Variants in NGLY1 observed in about 807,000 individuals in gnomAD.
The protein encoded by NGLY1 is N-glycanase 1.
Under a neutral mutation model 84.6 loss-of-function variants are expected in NGLY1, and 68 were observed. The observed-to-expected ratio is 0.80, with a 90% CI of 0.66 to 0.98. The LOEUF (loss-of-function observed/expected upper bound fraction) is 0.98, where lower values mean the gene tolerates loss of function less well. Among genes scored for constraint, NGLY1 ranks in the 50% least tolerant of loss-of-function variants. The pLI, the probability that NGLY1 is intolerant of heterozygous loss-of-function variation, is 0.00. For missense variants in NGLY1, 779 were observed against 770.2 expected (o/e 1.01, Z -0.14); for synonymous variants, 280 against 275.2 (o/e 1.02, Z -0.17).
At chr3:25,772,267 T>A (rs1707931848) in intron 2 of NGLY1, among the ~76,000 whole-genome samples, 1 of 152,216 alleles carries the variant, frequency 6.6e-6, no homozygotes, top group Admixed American at 6.5e-5. Flanking sequence ...ACTATTATTG[T>A]GTTGTTGTCT....
At chr3:25,787,068 C>T (rs1328903999), upstream of NGLY1, among the ~76,000 whole-genome samples, 3 of 152,216 alleles carry the variant, frequency 2.0e-5, no homozygotes, top group Admixed American at 6.5e-5. Flanking sequence ...TGAAGCTCCA[C>T]ATTTAAAGGT....
At chr3:25,769,455 T>G (rs1371369082) in intron 2 of NGLY1, among the ~76,000 whole-genome samples, 1 of 152,120 alleles carries the variant, frequency 6.6e-6, no homozygotes, top group East Asian at 1.9e-4. Context: ...TATGAAAAAA[T>G]GCTCAACATC....
intron 10 of NGLY1, among the ~76,000 whole-genome samples, chr3:25,725,521 A>G (rs974392933): frequency 1.3e-5 from 2 of 152,200 alleles, no homozygotes; most frequent in Non-Finnish European, 2.9e-5. Flanking sequence ...AGGTAAAACA[A>G]ACTGGAGCTT....
At chr3:25,757,827 A>G (rs1159241772) in intron 3 of NGLY1, among the ~76,000 whole-genome samples, 1 of 152,216 alleles carries the variant, frequency 6.6e-6, no homozygotes, top group Non-Finnish European at 1.5e-5. Flanking sequence ...AATATTTACT[A>G]TCTGAATTAA....
chr3:25,789,750 CT>C, intron 1 of NGLY1: 1 of 1,289,396 alleles, frequency 7.8e-7, no homozygotes, highest in East Asian at 2.5e-5. Flanking sequence ...TTCCTTAATT[CT>C]TTCTTACAAT....
chr3:25,728,947 A>T (rs913350426), intron 10 of NGLY1, among the ~76,000 whole-genome samples, 186 bp downstream of exon 10: 2 of 152,144 alleles, frequency 1.3e-5, no homozygotes, highest in African/African-American at 4.8e-5. Context: ...CTTGATATAA[A>T]TGCAAGAATT....
At chr3:25,774,291 T>A (rs1708044675) in intron 2 of NGLY1, among the ~76,000 whole-genome samples, 1 of 152,154 alleles carries the variant, frequency 6.6e-6, no homozygotes, top group South Asian at 2.1e-4. Flanking sequence ...TGCAGTAGTA[T>A]CAAGAAGATG....
At chr3:25,746,139 C>T (rs1211535197) in intron 4 of NGLY1, among the ~76,000 whole-genome samples, 1 of 152,192 alleles carries the variant, frequency 6.6e-6, no homozygotes, top group Admixed American at 6.5e-5. Flanking sequence ...GCTTTATATA[C>T]ACCCTACCCT....
At chr3:25,733,474 TG>T (rs1559533608) in intron 8 of NGLY1, among the ~76,000 whole-genome samples, 1 of 102,952 alleles carries the variant, frequency 9.7e-6, no homozygotes, top group Non-Finnish European at 2.2e-5. Flanking sequence ...GACGTGTGTG[TG>T]TGTGTGTGTG....
At chr3:25,764,445 C>G in intron 2 of NGLY1, 134 bp from the exon 3 acceptor site, 1 of 984,058 alleles carries the variant, frequency 1.0e-6, no homozygotes, top group South Asian at 1.8e-5. Flanking sequence ...TGTTTTCTTA[C>G]CATTATGGTT....
At position 25,764,062 on chromosome 3, in the gene NGLY1, T is replaced by A. The variant is rs181461044; in HGVS notation, c.492+4A>T. 6.9e-5 allele frequency: 112 copies of A among 1,613,930 alleles called. No homozygotes were observed. The East Asian group carries it at 2.2e-3, about 31-fold the overall frequency. On this transcript the variant is annotated splice_donor_region_variant and intron_variant, in intron 3 of 11. Coordinates refer to ENST00000280700, the MANE Select transcript of NGLY1 (RefSeq NM_018297.4). ...AGTTAAAGAAGGTTTAATTCTAACATTACCGTTGAAGCAGATGGTGGATCT... is the reference window on the plus strand; with the variant it reads ...AGTTAAAGAAGGTTTAATTCTAACAATACCGTTGAAGCAGATGGTGGATCT...
chr3:25,774,830 A>G (rs12630981), intron 2 of NGLY1, among the ~76,000 whole-genome samples: 100,964 of 151,872 alleles, frequency 0.66, 39,056 homozygotes, highest in East Asian at 0.94. Flanking sequence ...TACACACCCC[A>G]GTCCAGGAAA....
upstream of NGLY1, among the ~76,000 whole-genome samples, chr3:25,786,940 G>T (rs181278671): frequency 1.0e-3 from 159 of 152,314 alleles, 2 homozygotes; most frequent in South Asian, 0.01. Context: ...ACTACTAGTT[G>T]CTCAGCACTG....
chr3:25,753,906 C>T (rs1706892302), intron 3 of NGLY1, among the ~76,000 whole-genome samples: 1 of 152,180 alleles, frequency 6.6e-6, no homozygotes, highest in African/African-American at 2.4e-5. Flanking sequence ...TTACCAAATA[C>T]TTACATGTCA....
At chr3:25,780,862 C>T (rs1278402634) in intron 1 of NGLY1, among the ~76,000 whole-genome samples, 1 of 151,858 alleles carries the variant, frequency 6.6e-6, no homozygotes, top group Non-Finnish European at 1.5e-5. Flanking sequence ...GTCCTAAAGC[C>T]CTGGTACTAC....
At chr3:25,742,875 C>T (rs1248101308) in intron 4 of NGLY1, among the ~76,000 whole-genome samples, 1 of 117,902 alleles carries the variant, frequency 8.5e-6, no homozygotes, top group Non-Finnish European at 1.6e-5. Context: ...ATGTAGTTAC[C>T]TTATGTGGCA....
chr3:25,736,723 T>C (rs13080887), intron 6 of NGLY1: 8,474 of 204,528 alleles, frequency 0.041, 275 homozygotes, highest in African/African-American at 0.1. Flanking sequence ...TATTTCTGTA[T>C]ACTGTGCTTT....
chr3:25,789,745 T>A, intron 1 of NGLY1: 1 of 1,250,366 alleles, frequency 8.0e-7, no homozygotes, highest in South Asian at 1.3e-5. Flanking sequence ...AGAATTTCCT[T>A]AATTCTTTCT....
At chr3:25,778,553 G>T in intron 2 of NGLY1, 21 bp downstream of exon 2, 1 of 1,414,352 alleles carries the variant, frequency 7.1e-7, no homozygotes, top group Non-Finnish European at 9.9e-7. Context: ...GAGGGGAGAG[G>T]AAATCCTTGA....
Sources: allele counts gnomAD v4.1 joint callset (sites outside exome capture counted in the v4.1 genomes callset), GRCh38; gene constraint gnomAD v4.1.1; transcripts MANE v1.5; gene names NCBI Gene and HGNC (gene_info 2026-07-23, HGNC 2026-07-21).